RPS6KC1: variants seen among roughly 807,000 people sequenced by gnomAD.
The protein encoded by RPS6KC1 is ribosomal protein S6 kinase C1, also known as inactive ribosomal protein S6 kinase delta-1.
RPS6KC1 carries 54 observed loss-of-function variants against 103.8 expected under a neutral mutation model. That is an observed-to-expected ratio of 0.52 (90% CI 0.42 to 0.65). The LOEUF is 0.65. RPS6KC1 is among the 30% of genes least tolerant of loss of function. RPS6KC1 has a pLI of 0.00. For synonymous variants in RPS6KC1, 439 were observed against 438.7 expected (o/e 1.00, Z -0.01); for missense variants, 1,151 against 1,253.8 (o/e 0.92, Z 1.24).
At chr1:213,627,143 T>C in the RPS6KC1 span, among the ~76,000 whole-genome samples, 1 of 152,202 alleles carries the variant, frequency 6.6e-6, no homozygotes, top group Non-Finnish European at 1.5e-5. Flanking sequence ...GTCCTTCACG[T>C]CCCTTGTAAG....
chr1:213,569,429 A>G, the RPS6KC1 span, among the ~76,000 whole-genome samples: 1 of 152,128 alleles, frequency 6.6e-6, no homozygotes, highest in African/African-American at 2.4e-5. Context: ...CTCTCCTAAT[A>G]TTTACTTACC....
At chr1:213,198,103 T>C (rs565563083) in intron 8 of RPS6KC1, among the ~76,000 whole-genome samples, 1 of 152,322 alleles carries the variant, frequency 6.6e-6, no homozygotes, top group Non-Finnish European at 1.5e-5. Flanking sequence ...ATGTTTTGTT[T>C]TAAGATTTAG....
chr1:213,840,538 C>G, the RPS6KC1 span: 2 of 152,186 alleles, frequency 1.3e-5, no homozygotes, highest in Non-Finnish European at 2.9e-5. Context: ...AACCCAGTAT[C>G]AGAGGAAACT....
the RPS6KC1 span, among the ~76,000 whole-genome samples, chr1:213,459,575 T>C: frequency 6.6e-6 from 1 of 152,198 alleles, no homozygotes; most frequent in Admixed American, 6.5e-5. Context: ...GGTTTTTTTC[T>C]GTCTCTATCT....
At chr1:213,259,482 C>T (rs753798058) in intron 12 of RPS6KC1, among the ~76,000 whole-genome samples, 1 of 152,092 alleles carries the variant, frequency 6.6e-6, no homozygotes, top group Admixed American at 6.5e-5. Context: ...ATAATTGCTT[C>T]AGCCCCAGAG....
At chr1:213,174,463 A>G (rs2091712948) in intron 7 of RPS6KC1, among the ~76,000 whole-genome samples, 1 of 152,112 alleles carries the variant, frequency 6.6e-6, no homozygotes. Flanking sequence ...TGAGGTCAGG[A>G]GTTCGAAACC....
At chr1:213,327,609 G>A in the RPS6KC1 span, among the ~76,000 whole-genome samples, 1 of 152,266 alleles carries the variant, frequency 6.6e-6, no homozygotes, top group East Asian at 1.9e-4. Flanking sequence ...ATGTGTATGT[G>A]TGTGTTTTGG....
the RPS6KC1 span, among the ~76,000 whole-genome samples, chr1:213,704,104 T>G: frequency 6.6e-6 from 1 of 152,152 alleles, no homozygotes; most frequent in Non-Finnish European, 1.5e-5. Context: ...AACTCTGATG[T>G]AGGCCGGGCG....
At chr1:213,354,549 G>T in the RPS6KC1 span, among the ~76,000 whole-genome samples, 2 of 152,176 alleles carry the variant, frequency 1.3e-5, no homozygotes, top group African/African-American at 4.8e-5. Flanking sequence ...AATATATAAA[G>T]AAAAGGAATT....
At chr1:213,732,232 G>A in the RPS6KC1 span, among the ~76,000 whole-genome samples, 2 of 152,086 alleles carry the variant, frequency 1.3e-5, no homozygotes, top group Non-Finnish European at 2.9e-5. Context: ...AAGGAGGAGA[G>A]GACAACATTT....
chr1:213,081,456 C>G (rs2079876228), intron 3 of RPS6KC1, among the ~76,000 whole-genome samples: 2 of 152,096 alleles, frequency 1.3e-5, no homozygotes, highest in African/African-American at 2.4e-5. Context: ...GTGATCCAAA[C>G]ACCTCACACC....
chr1:213,783,815 CAAAAAAAA>C, the RPS6KC1 span, among the ~76,000 whole-genome samples: 11,068 of 66,152 alleles, frequency 0.17, 1,731 homozygotes, highest in African/African-American at 0.37. Flanking sequence ...AAGATGTTGC[CAAAAAAAA>C]AAAAAAAAAA....
the RPS6KC1 span, chr1:213,819,231 C>T: frequency 6.6e-6 from 1 of 152,258 alleles, no homozygotes; most frequent in African/African-American, 2.4e-5. Flanking sequence ...CACTGCTCCT[C>T]CACAGGAAGG....
the RPS6KC1 span, among the ~76,000 whole-genome samples, chr1:213,838,532 A>G: frequency 6.6e-6 from 1 of 152,148 alleles, no homozygotes; most frequent in African/African-American, 2.4e-5. Flanking sequence ...AGATCTCTGA[A>G]CCACTGAACC....
the RPS6KC1 span, among the ~76,000 whole-genome samples, chr1:213,542,497 T>G: frequency 2.6e-5 from 4 of 152,142 alleles, no homozygotes; most frequent in African/African-American, 9.7e-5. Context: ...CCAGCTTTGG[T>G]TGTGTCCTTT....
Position 213,272,669 on chromosome 1 carries a change from T to C in RPS6KC1, c.*35T>C. Reference sequence around the variant, plus strand: ...AGGGTTATCTTCACACATTCTGATCTTCTCTGTGACAGGCATCTCCAGCAC... The same window carrying C: ...AGGGTTATCTTCACACATTCTGATCCTCTCTGTGACAGGCATCTCCAGCAC... On this transcript the variant is annotated 3_prime_UTR_variant, in exon 15 of 15. Coordinates refer to ENST00000366960, the MANE Select transcript of RPS6KC1 (RefSeq NM_012424.6). 1 of 1,506,566 alleles carries C rather than the reference T, an allele frequency of 6.6e-7. No individual in the cohort carries two copies. The highest frequency in any genetic ancestry group is 1.7e-5 in the Admixed American group (1 of 59,788). The allele number at this position is 1,506,566 out of a possible 1,614,324, so 93.3% of individuals were successfully genotyped here. A position where few individuals can be genotyped will look rare whatever the true frequency, so the allele number is the denominator to read the frequency against.
the RPS6KC1 span, among the ~76,000 whole-genome samples, chr1:213,816,875 T>A: frequency 1.3e-5 from 2 of 152,194 alleles, no homozygotes; most frequent in Non-Finnish European, 2.9e-5. Context: ...CCAAGTGCTG[T>A]GAAGTTGAAA....
At chr1:213,837,816 A>G in the RPS6KC1 span, among the ~76,000 whole-genome samples, 2 of 152,302 alleles carry the variant, frequency 1.3e-5, no homozygotes, top group East Asian at 1.9e-4. Flanking sequence ...AAGTGAATAT[A>G]TTTTGTTAAA....
At chr1:213,193,013 T>G (rs1277339196) in intron 8 of RPS6KC1, among the ~76,000 whole-genome samples, 1 of 152,132 alleles carries the variant, frequency 6.6e-6, no homozygotes, top group Non-Finnish European at 1.5e-5. Context: ...AAATTTCTCT[T>G]GTTACTGATT....
Sources: gnomAD v4.1 joint callset for allele counts (sites outside exome capture counted in the v4.1 genomes callset) on GRCh38, gnomAD v4.1.1 for gene constraint, MANE v1.5 for transcripts, NCBI Gene and HGNC (gene_info 2026-07-23, HGNC 2026-07-21) for gene names.